Variants in MOSPD2 observed in about 807,000 individuals in gnomAD.
MOSPD2 encodes the protein motile sperm domain containing 2.
Under a neutral mutation model 41.7 loss-of-function variants are expected in MOSPD2, and 5 were observed. The ratio of observed to expected loss-of-function variants is 0.12; its 90% CI spans 0.06 to 0.25. The LOEUF is 0.25. MOSPD2 is among the 10% of genes least tolerant of loss of function. The pLI is 1.00. For missense variants in MOSPD2, 282 were observed against 375.2 expected (o/e 0.75, Z 2.05); for synonymous variants, 115 against 126.9 (o/e 0.91, Z 0.63).
intron 2 of MOSPD2, among the ~76,000 whole-genome samples, chrX:14,875,643 A>G (rs1248453380): frequency 8.9e-6 from 1 of 111,791 alleles, no homozygotes; most frequent in Non-Finnish European, 1.9e-5. Context: ...CAGTTGAAAA[A>G]CCACGACTAG....
At chrX:14,899,351 C>T (rs778061841) in intron 5 of MOSPD2, among the ~76,000 whole-genome samples, 45 of 108,189 alleles carry the variant, frequency 4.2e-4, no homozygotes, top group Admixed American at 1.1e-3. Context: ...AATGTTATTC[C>T]AAGACTATTT....
At chrX:14,875,945 A>G (rs1340437493) in intron 2 of MOSPD2, among the ~76,000 whole-genome samples, 1 of 111,551 alleles carries the variant, frequency 9.0e-6, no homozygotes, top group East Asian at 2.8e-4. Flanking sequence ...GCCTATAGAC[A>G]TTGAGAGTAG....
chrX:14,907,976 A>G (rs1269329107), intron 7 of MOSPD2, among the ~76,000 whole-genome samples: 1 of 112,308 alleles, frequency 8.9e-6, no homozygotes, highest in Non-Finnish European at 1.9e-5. Context: ...TAAAAAACTT[A>G]TAGTTAGCTA....
chrX:14,903,198 C>T (rs191519042), intron 7 of MOSPD2, among the ~76,000 whole-genome samples, 194 bp downstream of exon 7: 3 of 111,379 alleles, frequency 2.7e-5, no homozygotes, highest in Admixed American at 1.9e-4. Flanking sequence ...GATCTGGGGG[C>T]ACCCATTAGT....
At chrX:14,906,658 A>C (rs1371322290) in intron 7 of MOSPD2, among the ~76,000 whole-genome samples, 4 of 112,245 alleles carry the variant, frequency 3.6e-5, no homozygotes, top group Non-Finnish European at 3.8e-5. Context: ...GAATGGAAGA[A>C]ATCATTTACA....
chrX:14,906,525 T>C (rs1030437885), intron 7 of MOSPD2, among the ~76,000 whole-genome samples: 1 of 104,344 alleles, frequency 9.6e-6, no homozygotes, highest in African/African-American at 3.6e-5. Flanking sequence ...GATTGGGCAA[T>C]GGTTTCTTAG....
Position 14,921,642 on chromosome X carries a change from T to C in MOSPD2, c.*1833T>C. The C allele has an allele frequency of 4.0e-6, 1 of 250,086 alleles. No individual in the cohort carries two copies. Among genetic ancestry groups the C allele is most frequent in the Non-Finnish European group, 7.1e-6 (1 of 140,695 alleles). 20.6% of individuals were successfully genotyped at this position (250,086 alleles called of 1,213,427 possible). Reference sequence around the variant, plus strand: ...TTATGTTGACCCACTAAAATATCCTTGCTCAATGTCTGGTCAGTTGAATTT... The same window carrying C: ...TTATGTTGACCCACTAAAATATCCTCGCTCAATGTCTGGTCAGTTGAATTT... On this transcript the variant is annotated 3_prime_UTR_variant, in exon 15 of 15. Transcript: ENST00000380492.
rs138442889 is a variant in MOSPD2, at chrX:14,889,954, A to G, written c.80-2769A>G. ...TTACTGAGTTTTTACCACTTGCCAT[A>G]TATTGTTCTAAGTAATTGGTTTTTA... On this transcript the variant is annotated intron_variant, in intron 2 of 14. Transcript: ENST00000380492. 6.2e-3 allele frequency among the ~76,000 whole-genome samples: 689 copies of G among 112,029 alleles called. 35 individuals carry two copies. The East Asian group carries it at 0.16, about 26-fold the overall frequency.
At chrX:14,890,250 A>G (rs188749851) in intron 2 of MOSPD2, among the ~76,000 whole-genome samples, 48 of 111,628 alleles carry the variant, frequency 4.3e-4, no homozygotes, top group African/African-American at 1.5e-3. Flanking sequence ...AGTAAATTGT[A>G]TTAAGTTTTG....
intron 2 of MOSPD2, among the ~76,000 whole-genome samples, chrX:14,874,710 T>TC (rs1321875354): frequency 8.9e-6 from 1 of 111,858 alleles, no homozygotes; most frequent in Non-Finnish European, 1.9e-5. Context: ...CCCTGCAACT[T>TC]TAAACCATCC....
intron 7 of MOSPD2, among the ~76,000 whole-genome samples, chrX:14,906,785 G>A (rs992635531): frequency 1.3e-4 from 14 of 111,958 alleles, no homozygotes; most frequent in African/African-American, 4.5e-4. Flanking sequence ...AGCACTTTGG[G>A]AGGCCGAGGT....
intron 2 of MOSPD2, among the ~76,000 whole-genome samples, chrX:14,878,800 A>G (rs1402099566): frequency 9.0e-6 from 1 of 111,529 alleles, no homozygotes; most frequent in Non-Finnish European, 1.9e-5. Context: ...CCAACAGTTT[A>G]CTATTTTTTA....
intron 6 of MOSPD2, 77 bp from the exon 7 acceptor site, chrX:14,902,889 T>A (rs1187905289): frequency 2.7e-6 from 2 of 745,974 alleles, no homozygotes; most frequent in Admixed American, 5.8e-5. Context: ...AGATGACCAG[T>A]TTTTTCTAGG....
At chrX:14,894,316 AT>A (rs759189386) in intron 3 of MOSPD2, among the ~76,000 whole-genome samples, 2,950 of 66,436 alleles carry the variant, frequency 0.044, 58 homozygotes, top group African/African-American at 0.082. Flanking sequence ...TTATTGATTG[AT>A]TTTTTTTTTT....
rs2092607238 is a variant in MOSPD2, at chrX:14,920,255, T to C, written c.*446T>C. On this transcript the variant is annotated 3_prime_UTR_variant, in exon 15 of 15. Coordinates refer to ENST00000380492, the MANE Select transcript of MOSPD2 (RefSeq NM_152581.4). ...TACTAGCTTTTCTATACTATGTATATAGAAGAACATGTATATTGAGAAAGA... is the reference window on the plus strand; with the variant it reads ...TACTAGCTTTTCTATACTATGTATACAGAAGAACATGTATATTGAGAAAGA... 10 of 739,649 alleles carry C rather than the reference T, an allele frequency of 1.4e-5. No individual in the cohort carries two copies. The highest frequency in any genetic ancestry group is 1.4e-5 in the Non-Finnish European group (9 of 625,704). 61.0% of individuals were successfully genotyped at this position (739,649 alleles called of 1,213,427 possible).
Position 14,911,250 on chromosome X carries a change from A to G in MOSPD2, c.716A>G (p.Tyr239Cys). 8.3e-7 allele frequency: 1 copy of G among 1,198,202 alleles called. No homozygotes were observed. Among genetic ancestry groups the G allele is most frequent in the Admixed American group, 2.3e-5 (1 of 42,714 alleles). Reference sequence around the variant, plus strand: ...ATTTTCTTGTAGGATCCTTTCAAGTATAGCTATCCACCACTAGTAGATGAT... The same window carrying G: ...ATTTTCTTGTAGGATCCTTTCAAGTGTAGCTATCCACCACTAGTAGATGAT... ...PHMGGTDPFK[Y>C]SYPPLVDDDF... The change falls in exon 9 of 15, where the codon TAT becomes TGT. Residue 239 changes from tyrosine (Y) to cysteine (C), a missense_variant. Tyr to Cys is a radical substitution (Grantham distance 194, BLOSUM62 -2). Transcript: ENST00000380492.
intron 4 of MOSPD2, among the ~76,000 whole-genome samples, chrX:14,896,708 G>A (rs1168648313): frequency 3.6e-5 from 4 of 112,513 alleles, no homozygotes; most frequent in South Asian, 3.6e-4. Context: ...TGCCTCCATC[G>A]CCCTGTGTCA....
rs1169805366 is a variant in MOSPD2, at chrX:14,910,806, C to T, written c.703-431C>T. 3.6e-5 allele frequency among the ~76,000 whole-genome samples: 4 copies of T among 111,231 alleles called. No individual in the cohort carries two copies. The East Asian group carries it at 1.1e-3, about 31-fold the overall frequency. ...AATATTTCACTGTCATTTTAATTTG[C>T]ATTTCTTTAATTATAGGTGATGTTG... On this transcript the variant is annotated intron_variant, in intron 8 of 14. Transcript: ENST00000380492.
intron 4 of MOSPD2, among the ~76,000 whole-genome samples, chrX:14,896,201 A>G (rs185181468): frequency 1.9e-4 from 21 of 110,442 alleles, no homozygotes; most frequent in African/African-American, 5.6e-4. Flanking sequence ...CCCCCGGCAC[A>G]GTATTGACCC....
Sources: allele counts gnomAD v4.1 joint callset (sites outside exome capture counted in the v4.1 genomes callset), GRCh38; gene constraint gnomAD v4.1.1; transcripts MANE v1.5; gene names NCBI Gene and HGNC (gene_info 2026-07-23, HGNC 2026-07-21).